PTPRD: variants seen among roughly 807,000 people sequenced by gnomAD.
The protein encoded by PTPRD is receptor-type tyrosine-protein phosphatase delta.
A neutral mutation model predicts 214.5 loss-of-function variants in PTPRD; 34 were observed. That is an observed-to-expected ratio of 0.16 (90% CI 0.12 to 0.21). The LOEUF is 0.21. PTPRD is among the 10% of genes least tolerant of loss of function. The pLI is 1.00. For missense variants in PTPRD, 2,545 were observed against 2,398.7 expected, an observed-to-expected ratio of 1.06 and a Z score of -1.27; for synonymous variants, 1,128 against 845.7, an observed-to-expected ratio of 1.33 and a Z score of -5.79.
rs566639843 is a variant in PTPRD, at chr9:9,628,932, G to C, written c.-286-54151C>G. The stretch of plus-strand genomic sequence containing the variant: ...CCCACACCTGTAATCCCAGCACTTT[G>C]GGAGGCCGAGGCGGGCAGATCATGA... On this transcript the variant is annotated intron_variant, in intron 7 of 45. Transcript: ENST00000381196. Among the ~76,000 whole-genome samples the C allele has an allele frequency of 2.2e-4, 34 of 151,926 alleles. No homozygotes were observed. In the East Asian group the frequency reaches 6.4e-3, roughly 29 times the overall value.
intron 2 of PTPRD, among the ~76,000 whole-genome samples, chr9:10,415,730 C>T (rs975110971): frequency 6.6e-6 from 1 of 151,746 alleles, no homozygotes; most frequent in African/African-American, 2.4e-5. Flanking sequence ...TCTTAATTCC[C>T]CCAATTCTTT....
intron 11 of PTPRD, among the ~76,000 whole-genome samples, chr9:8,940,280 C>CCTTTGTTTTTTTTTTTTTTTTT (rs763715400): frequency 9.0e-5 from 8 of 89,046 alleles, no homozygotes; most frequent in East Asian, 3.5e-4. Context: ...TCTCTCTCTC[C>CCTTTGTTTTTTTTTTTTTTTTT]TTTTTTTTTT....
At chr9:8,607,401 T>C (rs1274637445) in intron 14 of PTPRD, among the ~76,000 whole-genome samples, 1 of 152,064 alleles carries the variant, frequency 6.6e-6, no homozygotes, top group Non-Finnish European at 1.5e-5. Flanking sequence ...TCCCAACACT[T>C]TGGGAGGCTG....
At chr9:8,568,484 C>G (rs1447282534) in intron 14 of PTPRD, among the ~76,000 whole-genome samples, 1 of 152,130 alleles carries the variant, frequency 6.6e-6, no homozygotes, top group East Asian at 1.9e-4. Flanking sequence ...CTAGAGACAT[C>G]TGGGCTAAAT....
chr9:8,474,034 CCT>C (rs1329917803), intron 30 of PTPRD, among the ~76,000 whole-genome samples: 1 of 152,182 alleles, frequency 6.6e-6, no homozygotes, highest in Non-Finnish European at 1.5e-5. Context: ...CTGTCTCTCC[CCT>C]GAGGGTACTG....
At chr9:8,340,263 CA>C in intron 42 of PTPRD, 79 bp downstream of exon 42, 1 of 1,449,108 alleles carries the variant, frequency 6.9e-7, no homozygotes, top group South Asian at 1.6e-5. Flanking sequence ...TGATCTAGCA[CA>C]AGAGTTATTG....
chr9:9,735,477 T>C (rs1009386618), intron 6 of PTPRD, among the ~76,000 whole-genome samples: 2 of 152,116 alleles, frequency 1.3e-5, no homozygotes, highest in Non-Finnish European at 2.9e-5. Flanking sequence ...TTGACACTAT[T>C]GTGTAAGGTT....
intron 2 of PTPRD, among the ~76,000 whole-genome samples, chr9:10,576,819 CA>C (rs1293715760): frequency 4.6e-5 from 7 of 151,998 alleles, no homozygotes; most frequent in Non-Finnish European, 1.0e-4. Context: ...CATTTGTGAA[CA>C]AAAAATTAAC....
intron 5 of PTPRD, among the ~76,000 whole-genome samples, chr9:9,843,750 A>G (rs1225744532): frequency 6.6e-6 from 1 of 152,050 alleles, no homozygotes; most frequent in Non-Finnish European, 1.5e-5. Flanking sequence ...GTATAAAAAC[A>G]AGATATAAAT....
At chr9:8,854,234 A>G (rs56027406) in intron 11 of PTPRD, among the ~76,000 whole-genome samples, 19,364 of 152,190 alleles carry the variant, frequency 0.13, 2,819 homozygotes, top group African/African-American at 0.35. Context: ...TGCTCCTAGG[A>G]TCACAAGTTA....
chr9:9,600,439 G>A lies in PTPRD; in HGVS notation c.-286-25658C>T, dbSNP rs1053301225. Among the ~76,000 whole-genome samples, 24 of 137,578 alleles carry A rather than the reference G, an allele frequency of 1.7e-4. No individual in the cohort carries two copies. The East Asian group carries it at 1.9e-3, about 11-fold the overall frequency. The allele number at this position is 137,578 out of a possible 152,430, so 90.3% of individuals were successfully genotyped here. On this transcript the variant is annotated intron_variant, in intron 7 of 45. Transcript: ENST00000381196. ...TCATTCATTCATTGTATTAGCCCCC[G>A]TTTTAAGGTTTAGGTACATCATCGA...
At chr9:9,869,734 A>G (rs1284680465) in intron 5 of PTPRD, among the ~76,000 whole-genome samples, 8 of 152,066 alleles carry the variant, frequency 5.3e-5, no homozygotes, top group Admixed American at 1.3e-4. Flanking sequence ...AATGTGGAAC[A>G]TTCTATAAAT....
At chr9:10,453,197 A>G (rs770658809) in intron 2 of PTPRD, among the ~76,000 whole-genome samples, 68 of 151,912 alleles carry the variant, frequency 4.5e-4, no homozygotes, top group Middle Eastern at 3.4e-3. Context: ...TCATACCAAT[A>G]CCATACTGTT....
intron 2 of PTPRD, among the ~76,000 whole-genome samples, chr9:10,570,876 GTCT>G (rs1010464919): frequency 2.7e-5 from 4 of 150,270 alleles, no homozygotes; most frequent in African/African-American, 7.4e-5. Flanking sequence ...AACAAGGTGA[GTCT>G]TCTTTTTTTT....
intron 14 of PTPRD, among the ~76,000 whole-genome samples, chr9:8,560,715 TG>T (rs2085887342): frequency 6.6e-6 from 1 of 152,004 alleles, no homozygotes; most frequent in African/African-American, 2.4e-5. Context: ...AGGTAAACAG[TG>T]GTTTCTCAAA....
intron 7 of PTPRD, among the ~76,000 whole-genome samples, chr9:9,676,142 A>T (rs1219256143): frequency 2.0e-5 from 3 of 152,060 alleles, no homozygotes; most frequent in Non-Finnish European, 4.4e-5. Flanking sequence ...GTTTTTTATT[A>T]TACTTTAAGT....
At chr9:9,559,724 T>C (rs2082413359) in intron 8 of PTPRD, among the ~76,000 whole-genome samples, 1 of 152,188 alleles carries the variant, frequency 6.6e-6, no homozygotes, top group African/African-American at 2.4e-5. Context: ...TTCCTGGCTC[T>C]CTGGACAAGA....
chr9:8,723,238 C>A (rs564792644), intron 12 of PTPRD, among the ~76,000 whole-genome samples: 1 of 152,166 alleles, frequency 6.6e-6, no homozygotes, highest in African/African-American at 2.4e-5. Context: ...CCTGGATGCT[C>A]TGAACTCCAT....
At chr9:10,156,726 A>T (rs1259351273) in intron 3 of PTPRD, among the ~76,000 whole-genome samples, 1 of 152,126 alleles carries the variant, frequency 6.6e-6, no homozygotes, top group Non-Finnish European at 1.5e-5. Context: ...TAATACTGTC[A>T]GTGGTGTTGT....
Sources: allele counts gnomAD v4.1 joint callset (sites outside exome capture counted in the v4.1 genomes callset), GRCh38; gene constraint gnomAD v4.1.1; transcripts MANE v1.5; gene names NCBI Gene and HGNC (gene_info 2026-07-23, HGNC 2026-07-21).